The following FBN1 variants were observed in gnomAD, a reference collection of about 807,000 sequenced individuals.
FBN1 encodes fibrillin-1.
FBN1 carries 29 observed loss-of-function variants against 365.1 expected under a neutral mutation model. That is an observed-to-expected ratio of 0.08 (90% CI 0.06 to 0.11). The LOEUF (loss-of-function observed/expected upper bound fraction) is 0.11. Among genes scored for constraint, FBN1 ranks in the 10% least tolerant of loss-of-function variants. The pLI is 1.00. For missense variants in FBN1, 2,476 were observed against 3,703.2 expected (o/e 0.67, Z 8.60); for synonymous variants, 1,210 against 1,270.5 (o/e 0.95, Z 1.01).
chr15:48,600,305 A>G (rs1426139744), intron 4 of FBN1, 71 bp from the exon 5 acceptor site: 1 of 1,058,976 alleles, frequency 9.4e-7, no homozygotes, highest in African/African-American at 1.6e-5. Flanking sequence ...ACAGGAGTTG[A>G]TTTGTAGTTA....
chr15:48,422,733 C>G (rs2042952961), intron 60 of FBN1, among the ~76,000 whole-genome samples: 1 of 152,176 alleles, frequency 6.6e-6, no homozygotes, highest in Non-Finnish European at 1.5e-5. Flanking sequence ...CCAAGGCAGG[C>G]TGATCACTTT....
intron 44 of FBN1, among the ~76,000 whole-genome samples, chr15:48,454,406 G>T (rs1288500831): frequency 2.6e-5 from 4 of 152,182 alleles, no homozygotes; most frequent in Non-Finnish European, 5.9e-5. Context: ...GTGTGTTCCA[G>T]AGTTTTGACT....
chr15:48,453,066 G>C (rs565335872), intron 44 of FBN1, among the ~76,000 whole-genome samples: 35 of 152,252 alleles, frequency 2.3e-4, no homozygotes, highest in African/African-American at 8.4e-4. Flanking sequence ...AGACCAGCCT[G>C]ACCAACATGG....
intron 34 of FBN1, 138 bp downstream of exon 34, chr15:48,474,117 C>T (rs535878963): frequency 1.1e-4 from 143 of 1,337,052 alleles, no homozygotes; most frequent in Admixed American, 5.6e-4. Flanking sequence ...TTTTTTTTCC[C>T]ACAGAGCTCT....
chr15:48,611,767 T>A (rs1404492855), intron 3 of FBN1, among the ~76,000 whole-genome samples: 2 of 152,326 alleles, frequency 1.3e-5, no homozygotes, highest in East Asian at 3.9e-4. Context: ...ACAGTAAGTT[T>A]AAATGGCATA....
At chr15:48,489,479 G>A (rs1330635154) in intron 25 of FBN1, among the ~76,000 whole-genome samples, 3 of 152,042 alleles carry the variant, frequency 2.0e-5, no homozygotes, top group Admixed American at 6.6e-5. Flanking sequence ...AAATACGCAA[G>A]TAATTTCTAC....
intron 2 of FBN1, among the ~76,000 whole-genome samples, chr15:48,616,909 TAA>T (rs964990298): frequency 1.3e-5 from 2 of 148,158 alleles, no homozygotes; most frequent in African/African-American, 4.9e-5. Context: ...TGTTTAACAC[TAA>T]AAAAAAAACT....
At chr15:48,600,525 G>A (rs2140718790) in intron 4 of FBN1, among the ~76,000 whole-genome samples, 1 of 152,256 alleles carries the variant, frequency 6.6e-6, no homozygotes, top group South Asian at 2.1e-4. Flanking sequence ...CCAACATGGT[G>A]GAACCCCGTC....
rs763079155 is a variant in FBN1 at position 48,526,147 on chromosome 15, T to A, written c.971A>T (p.Asp324Val). The A allele has an allele frequency of 4.3e-6, 7 of 1,614,154 alleles. No individual in the cohort carries two copies. The highest frequency in any genetic ancestry group is 5.9e-6 in the Non-Finnish European group (7 of 1,179,994). The change falls in exon 9 of 66, where the codon GAT (aspartate) becomes GTT (valine). Residue 324 changes from aspartate to valine, a missense_variant. Asp to Val is a radical substitution (Grantham distance 152). This residue lies in a region of FBN1 where 421 missense variants were observed against 520.1 expected (regional missense o/e 0.81). Transcript: ENST00000316623. The stretch of plus-strand genomic sequence containing the variant: ...AAACCTACCTATGCATCTGGTACCA[T>A]CTGGAGAGGTGTAAAAACCAGGGGG... ...KCPPGFYTSP[D>V]GTRCIDVRPG... is the part of the protein sequence containing the mutation.
At chr15:48,639,920 G>A (rs556903258) in intron 2 of FBN1, among the ~76,000 whole-genome samples, 2 of 152,258 alleles carry the variant, frequency 1.3e-5, no homozygotes, top group East Asian at 1.9e-4. Flanking sequence ...CTCCCAAAGT[G>A]GTTAGGCTGA....
At chr15:48,613,172 T>C in intron 2 of FBN1, 80 bp from the exon 3 acceptor site, 3 of 1,093,700 alleles carry the variant, frequency 2.7e-6, no homozygotes, top group Non-Finnish European at 2.8e-6. Context: ...GAAAAAAAAT[T>C]CCTGAGTTAT....
chr15:48,422,095 T>G (rs1278078393), intron 60 of FBN1, 27 bp from the exon 61 acceptor site: 6 of 1,513,988 alleles, frequency 4.0e-6, no homozygotes, highest in Non-Finnish European at 5.5e-6. Context: ...GAGAGGCATT[T>G]GAGTCAAGCC....
intron 6 of FBN1, among the ~76,000 whole-genome samples, chr15:48,578,902 T>C (rs1309116107): frequency 3.4e-5 from 5 of 145,764 alleles, no homozygotes. Flanking sequence ...ATATACCTAA[T>C]GCTAGATGAC....
intron 6 of FBN1, among the ~76,000 whole-genome samples, chr15:48,572,178 T>G (rs927211379): frequency 6.6e-6 from 1 of 152,178 alleles, no homozygotes; most frequent in African/African-American, 2.4e-5. Context: ...TTATCTATTA[T>G]GAATATGGAT....
At position 48,469,208 on chromosome 15, in the gene FBN1, T is replaced by C. The variant is rs959317542; in HGVS notation, c.4460-674A>G. Among the ~76,000 whole-genome samples, 28 of 133,484 alleles carry C rather than the reference T, an allele frequency of 2.1e-4. 1 individual carries two copies. The highest frequency in any genetic ancestry group is 5.6e-4 in the African/African-American group (19 of 34,034). The allele number at this position is 133,484 out of a possible 152,430, so 87.6% of individuals were successfully genotyped here. A position where few individuals can be genotyped will look rare whatever the true frequency, so the allele number is the denominator to read the frequency against. On this transcript the variant is annotated intron_variant, in intron 36 of 65. Transcript: ENST00000316623. The stretch of plus-strand genomic sequence containing the variant: ...CAAGGTAACTGAAGGCAAAACACTG[T>C]TGTGACCTCGGTCAACCAAAAATTC...
At chr15:48,451,193 G>A (rs557447796) in intron 45 of FBN1, among the ~76,000 whole-genome samples, 1 of 152,336 alleles carries the variant, frequency 6.6e-6, no homozygotes, top group South Asian at 2.1e-4. Context: ...TTACCTGAGT[G>A]TGAAATGGTG....
At chr15:48,593,238 C>T (rs1347489294) in intron 6 of FBN1, among the ~76,000 whole-genome samples, 3 of 152,176 alleles carry the variant, frequency 2.0e-5, no homozygotes, top group East Asian at 1.9e-4. Context: ...GCGTATTTCA[C>T]ACTCATAGTG....
Position 48,492,555 on chromosome 15 carries a change from C to T in FBN1, c.2760G>A (p.Val920=). 1.2e-6 allele frequency: 2 copies of T among 1,610,150 alleles called. No individual in the cohort carries two copies. The highest frequency in any genetic ancestry group is 1.1e-5 in the South Asian group (1 of 90,960). Residue 920 remains valine, a synonymous_variant, in exon 24 of 66, where the codon GTG becomes GTA. Transcript: ENST00000316623. ...TGTTAACACACAGGCCATTTTTACACACTCCTGGGAACACTTCACATTCAT... is the reference window on the plus strand; with the variant it reads ...TGTTAACACACAGGCCATTTTTACATACTCCTGGGAACACTTCACATTCAT... ...DIDECEVFPG[V]CKNGLCVNTR... is the part of the protein sequence containing the mutation.
At chr15:48,607,238 A>G (rs1308375352) in intron 4 of FBN1, among the ~76,000 whole-genome samples, 2 of 151,962 alleles carry the variant, frequency 1.3e-5, no homozygotes, top group African/African-American at 4.8e-5. Context: ...ATTACAAAAT[A>G]TAAACTGTAG....
Sources: allele counts gnomAD v4.1 joint callset (sites outside exome capture counted in the v4.1 genomes callset), GRCh38; gene constraint gnomAD v4.1.1; regional missense constraint gnomAD v4.1.1; transcripts MANE v1.5; gene names NCBI Gene and HGNC (gene_info 2026-07-23, HGNC 2026-07-21).